KANSL1L: variants seen among roughly 807,000 people sequenced by gnomAD.
The protein encoded by KANSL1L is KAT8 regulatory NSL complex subunit 1-like protein.
In KANSL1L, 25 loss-of-function variants were observed where a neutral mutation model predicts 108.6. The observed-to-expected ratio is 0.23, with a 90% CI of 0.17 to 0.32. The LOEUF (loss-of-function observed/expected upper bound fraction) is 0.32. Ranked by LOEUF, KANSL1L falls within the 10% of genes least tolerant of loss-of-function variation. KANSL1L has a pLI of 1.00. For synonymous variants in KANSL1L, 405 were observed against 395.1 expected (o/e 1.03, Z -0.30); for missense variants, 1,137 against 1,125.7 (o/e 1.01, Z -0.14).
intron 2 of KANSL1L, 91 bp from the exon 3 acceptor site, chr2:210,129,263 A>T: frequency 8.9e-7 from 1 of 1,129,720 alleles, no homozygotes; most frequent in East Asian, 2.7e-5. Context: ...CCCATCATAA[A>T]AGCAAATTTC....
chr2:210,113,395 C>T (rs981840077), intron 3 of KANSL1L, among the ~76,000 whole-genome samples: 4 of 151,806 alleles, frequency 2.6e-5, no homozygotes, highest in South Asian at 2.1e-4. Flanking sequence ...CTTGCCACAC[C>T]GACAACCTAC....
At chr2:210,119,824 G>A (rs1248821705) in intron 3 of KANSL1L, among the ~76,000 whole-genome samples, 2 of 152,096 alleles carry the variant, frequency 1.3e-5, no homozygotes, top group Non-Finnish European at 2.9e-5. Flanking sequence ...GTTGTAGGTA[G>A]AGCAATTAGA....
chr2:210,025,038 T>C, intron 13 of KANSL1L, 66 bp downstream of exon 13: 3 of 1,024,256 alleles, frequency 2.9e-6, no homozygotes, highest in Non-Finnish European at 4.7e-6. Flanking sequence ...TCACCCAAAA[T>C]TCATGCAGAG....
intron 4 of KANSL1L, among the ~76,000 whole-genome samples, chr2:210,099,344 T>C (rs2094770397): frequency 6.6e-6 from 1 of 152,184 alleles, no homozygotes; most frequent in African/African-American, 2.4e-5. Flanking sequence ...GAAATAATTA[T>C]TTTAGAATGC....
intron 6 of KANSL1L, among the ~76,000 whole-genome samples, chr2:210,073,491 T>A (rs1256999472): frequency 2.0e-5 from 3 of 149,960 alleles, no homozygotes; most frequent in Non-Finnish European, 4.4e-5. Context: ...AGCCCAGGAG[T>A]TCAAGACCAG....
intron 7 of KANSL1L, among the ~76,000 whole-genome samples, chr2:210,041,478 C>T (rs1470292765): frequency 6.6e-6 from 1 of 152,110 alleles, no homozygotes; most frequent in Non-Finnish European, 1.5e-5. Flanking sequence ...CTCTGTTGCC[C>T]AGGCTGGAGT....
intron 3 of KANSL1L, among the ~76,000 whole-genome samples, chr2:210,126,622 C>T (rs1181101794): frequency 2.0e-5 from 3 of 152,124 alleles, no homozygotes; most frequent in African/African-American, 4.8e-5. Flanking sequence ...TCAAGACTAA[C>T]CTGGCCAACA....
chr2:210,034,434 CTA>C (rs1335102435), intron 8 of KANSL1L, among the ~76,000 whole-genome samples: 1 of 152,078 alleles, frequency 6.6e-6, no homozygotes, highest in Admixed American at 6.5e-5. Context: ...AACTGAACAG[CTA>C]TGTACTGTAG....
chr2:210,105,195 TTC>T, intron 3 of KANSL1L, among the ~76,000 whole-genome samples: 1 of 151,750 alleles, frequency 6.6e-6, no homozygotes, highest in Admixed American at 6.6e-5. Context: ...ACTGTAAAAT[TTC>T]TTTCCTTCCT....
At chr2:210,059,219 T>C (rs2094393438) in intron 6 of KANSL1L, among the ~76,000 whole-genome samples, 1 of 151,742 alleles carries the variant, frequency 6.6e-6, no homozygotes, top group South Asian at 2.1e-4. Flanking sequence ...AGCACTGTCC[T>C]GAGGTGCCAT....
intron 6 of KANSL1L, among the ~76,000 whole-genome samples, chr2:210,058,296 TAA>T (rs2094378349): frequency 6.6e-6 from 1 of 152,128 alleles, no homozygotes; most frequent in African/African-American, 2.4e-5. Flanking sequence ...AATTCCCACC[TAA>T]TAAATTTTGG....
intron 12 of KANSL1L, among the ~76,000 whole-genome samples, chr2:210,025,827 A>C (rs1391203193): frequency 6.6e-6 from 1 of 152,104 alleles, no homozygotes; most frequent in African/African-American, 2.4e-5. Flanking sequence ...CAATCCTCCC[A>C]CCTCAAAAAA....
intron 1 of KANSL1L, chr2:210,155,056 A>C (rs907774919): frequency 6.6e-6 from 1 of 152,206 alleles, no homozygotes; most frequent in Non-Finnish European, 1.5e-5. Context: ...TCCTGAAATT[A>C]ATCATCACAG....
intron 4 of KANSL1L, among the ~76,000 whole-genome samples, chr2:210,102,399 G>A (rs924528359): frequency 6.6e-6 from 1 of 152,128 alleles, no homozygotes; most frequent in African/African-American, 2.4e-5. Context: ...TCAGGACATA[G>A]GCATGGGCAA....
At chr2:210,049,283 A>T (rs1575417649) in intron 6 of KANSL1L, among the ~76,000 whole-genome samples, 1 of 142,186 alleles carries the variant, frequency 7.0e-6, no homozygotes, top group Admixed American at 7.1e-5. Context: ...TTTCTCTTCC[A>T]CCCCCCCACC....
chr2:210,112,451 G>A (rs1368276333), intron 3 of KANSL1L, among the ~76,000 whole-genome samples: 1 of 152,050 alleles, frequency 6.6e-6, no homozygotes, highest in Admixed American at 6.6e-5. Flanking sequence ...CATCTTTAAA[G>A]TGCTAAAGAA....
intron 2 of KANSL1L, among the ~76,000 whole-genome samples, chr2:210,134,257 T>G (rs1179801122): frequency 1.3e-5 from 2 of 152,162 alleles, no homozygotes; most frequent in African/African-American, 4.8e-5. Flanking sequence ...GTTCAATTTC[T>G]TTCATTATGT....
At chr2:210,103,912 T>C in intron 4 of KANSL1L, 192 bp downstream of exon 4, 1 of 342,726 alleles carries the variant, frequency 2.9e-6, no homozygotes, top group Non-Finnish European at 5.2e-6. Flanking sequence ...TATATTTAAA[T>C]AATTTAAATT....
rs549963763 is a variant in KANSL1L at position 210,128,506 on chromosome 2, A to T, written c.1230+525T>A. ...CTAGTGAAATAAGCTAGCCACAAAA[A>T]GACAAAAACTTATGATTCTGCTCAT... On this transcript the variant is annotated intron_variant, in intron 3 of 14. Coordinates refer to ENST00000281772, the MANE Select transcript of KANSL1L (RefSeq NM_152519.4). Among the ~76,000 whole-genome samples the T allele has an allele frequency of 2.6e-4, 39 of 152,342 alleles. 1 individual carries two copies. The South Asian group carries it at 7.7e-3, about 30-fold the overall frequency.
Sources: gnomAD v4.1 joint callset for allele counts (sites outside exome capture counted in the v4.1 genomes callset) on GRCh38, gnomAD v4.1.1 for gene constraint, MANE v1.5 for transcripts, NCBI Gene and HGNC (gene_info 2026-07-23, HGNC 2026-07-21) for gene names.